Variants in LIMCH1 observed in about 807,000 individuals in gnomAD.
The protein encoded by LIMCH1 is LIM and calponin homology domains 1.
LIMCH1 carries 113 observed loss-of-function variants against 176.5 expected under a neutral mutation model. The ratio of observed to expected loss-of-function variants is 0.64; its 90% CI spans 0.55 to 0.75. The LOEUF is 0.75. Among genes scored for constraint, LIMCH1 ranks in the 30% least tolerant of loss-of-function variants. LIMCH1 has a pLI of 0.00. For synonymous variants in LIMCH1, 619 were observed against 645.9 expected (o/e 0.96, Z 0.63); for missense variants, 1,674 against 1,814.9 (o/e 0.92, Z 1.41).
At chr4:41,449,169 G>T (rs946141507) in intron 1 of LIMCH1, among the ~76,000 whole-genome samples, 1 of 151,934 alleles carries the variant, frequency 6.6e-6, no homozygotes, top group African/African-American at 2.4e-5. Context: ...TCATCCCCTG[G>T]CACCCTTCCA....
intron 2 of LIMCH1, among the ~76,000 whole-genome samples, chr4:41,495,061 A>G (rs2154175882): frequency 1.3e-5 from 2 of 152,294 alleles, no homozygotes; most frequent in East Asian, 3.9e-4. Context: ...GTGTATTTCA[A>G]ATATGTTTAA....
At chr4:41,500,210 C>G (rs1157961162) in intron 2 of LIMCH1, among the ~76,000 whole-genome samples, 1 of 152,222 alleles carries the variant, frequency 6.6e-6, no homozygotes, top group East Asian at 1.9e-4. Context: ...GTGGAAATAA[C>G]TTGATATCCC....
intron 13 of LIMCH1, among the ~76,000 whole-genome samples, chr4:41,636,194 GCCAC>G (rs2093579315): frequency 4.0e-5 from 6 of 150,046 alleles, no homozygotes; most frequent in Admixed American, 4.0e-4. Flanking sequence ...ATAGGCATGA[GCCAC>G]CATGCCTGGC....
At chr4:41,476,497 C>T (rs1233657315) in intron 1 of LIMCH1, among the ~76,000 whole-genome samples, 1 of 152,210 alleles carries the variant, frequency 6.6e-6, no homozygotes, top group African/African-American at 2.4e-5. Context: ...GGCGGGGCAA[C>T]ACCACACTCT....
intron 2 of LIMCH1, among the ~76,000 whole-genome samples, chr4:41,496,091 T>C (rs368178140): frequency 1.7e-3 from 262 of 152,368 alleles, no homozygotes; most frequent in Middle Eastern, 6.8e-3. Context: ...CCCATGATTC[T>C]GGGCTTAGCC....
chr4:41,606,099 T>C (rs2090668973), intron 4 of LIMCH1, 95 bp downstream of exon 4: 3 of 795,126 alleles, frequency 3.8e-6, no homozygotes, highest in Non-Finnish European at 6.3e-6. Context: ...TACTGGGTTG[T>C]GGAATGGTAT....
intron 1 of LIMCH1, among the ~76,000 whole-genome samples, chr4:41,443,067 G>A (rs2062864558): frequency 6.6e-6 from 1 of 151,506 alleles, no homozygotes; most frequent in Admixed American, 6.6e-5. Flanking sequence ...TTAGAGATTT[G>A]TTTAAATGGA....
intron 4 of LIMCH1, among the ~76,000 whole-genome samples, chr4:41,606,744 A>G (rs2090770406): frequency 6.6e-6 from 1 of 152,048 alleles, no homozygotes; most frequent in Non-Finnish European, 1.5e-5. Context: ...GGCCCTCCCA[A>G]CCCGCCTTAG....
intron 1 of LIMCH1, among the ~76,000 whole-genome samples, chr4:41,427,607 G>A (rs1004260379): frequency 1.3e-5 from 2 of 152,128 alleles, no homozygotes; most frequent in Non-Finnish European, 2.9e-5. Flanking sequence ...GACAGCTGTG[G>A]CCTGTTCCAA....
chr4:41,360,003 G>C (rs140039917), upstream of LIMCH1, among the ~76,000 whole-genome samples: 594 of 150,624 alleles, frequency 3.9e-3, 3 homozygotes, highest in African/African-American at 0.014. The surrounding 1 kb of genome is among the most constrained non-coding windows in gnomAD (Gnocchi z 4.5). Context: ...TCCAGGTAGG[G>C]TGTGTGTGGG....
chr4:41,557,544 C>CTGTGTGTGTGTGTG (rs1027942562), intron 1 of LIMCH1, among the ~76,000 whole-genome samples: 105 of 99,856 alleles, frequency 1.1e-3, no homozygotes, highest in African/African-American at 9.7e-3. Flanking sequence ...TCTTTATTGC[C>CTGTGTGTGTGTGTG]TCTGTGTGTG....
At chr4:41,366,726 A>C (rs902301282) in intron 1 of LIMCH1, among the ~76,000 whole-genome samples, 1 of 152,234 alleles carries the variant, frequency 6.6e-6, no homozygotes, top group Admixed American at 6.5e-5. Flanking sequence ...GTTATATTTC[A>C]AGGAGGAATG....
At chr4:41,610,956 C>G (rs772346920) in intron 4 of LIMCH1, among the ~76,000 whole-genome samples, 25 of 152,122 alleles carry the variant, frequency 1.6e-4, no homozygotes, top group Non-Finnish European at 3.5e-4. Context: ...AACTTTTGAG[C>G]AAAGACGTAA....
chr4:41,402,911 GCACATGTATA>G (rs1355412207), intron 1 of LIMCH1, among the ~76,000 whole-genome samples: 1 of 150,992 alleles, frequency 6.6e-6, no homozygotes, highest in Non-Finnish European at 1.5e-5. Flanking sequence ...CACCAGCATG[GCACATGTATA>G]CATATGTAAC....
At chr4:41,375,676 C>T (rs1192317001) in intron 1 of LIMCH1, among the ~76,000 whole-genome samples, 1 of 152,218 alleles carries the variant, frequency 6.6e-6, no homozygotes, top group Non-Finnish European at 1.5e-5. Flanking sequence ...CAGCTCTGTG[C>T]CTGAGCAGTC....
At position 41,626,967 on chromosome 4, in the gene LIMCH1, C is replaced by T. The variant is rs1479218871; in HGVS notation, c.985C>T (p.Leu329Phe). ...AGAGAAATCAGATGGCAGCAAACAG[C>T]TCTCAAAGGGAATCTCAAAAAAAAG... is the stretch of plus-strand genomic sequence containing the variant. ...GAEKSDGSKQ[L>F]SKGISKKRSL... is the part of the protein sequence containing the mutation. The change falls in exon 8 of 32, where the codon CTC (leucine) becomes TTC (phenylalanine). Residue 329 changes from leucine (L) to phenylalanine (F), a missense_variant. Physicochemically the swap from Leu to Phe is conservative, Grantham distance 22. Around this residue, in one of 3 missense-constraint regions of LIMCH1, gnomAD observed 655 missense variants for 692.2 expected, o/e 0.95. Coordinates refer to ENST00000503057, the MANE Select transcript of LIMCH1 (RefSeq NM_001330672.2). 2.0e-6 allele frequency: 3 copies of T among 1,535,704 alleles called. No homozygotes were observed. Among genetic ancestry groups the T allele is most frequent in the East Asian group, 4.9e-5 (2 of 40,896 alleles).
At chr4:41,464,959 A>G (rs1379430060) in intron 1 of LIMCH1, among the ~76,000 whole-genome samples, 3 of 151,762 alleles carry the variant, frequency 2.0e-5, no homozygotes, top group African/African-American at 4.8e-5. Flanking sequence ...TTAACCCTCT[A>G]CTACTGAATT....
At chr4:41,591,248 T>C (rs954915341) in intron 1 of LIMCH1, among the ~76,000 whole-genome samples, 1 of 152,082 alleles carries the variant, frequency 6.6e-6, no homozygotes, top group Non-Finnish European at 1.5e-5. Context: ...TCTTTCTTGC[T>C]TGCTTGCTTG....
chr4:41,616,216 A>G (rs2092051465), intron 5 of LIMCH1, among the ~76,000 whole-genome samples: 1 of 152,146 alleles, frequency 6.6e-6, no homozygotes, highest in Non-Finnish European at 1.5e-5. Flanking sequence ...TGCTAGAGGA[A>G]GATTAAAAAG....
Sources: gnomAD v4.1 joint callset for allele counts (sites outside exome capture counted in the v4.1 genomes callset) on GRCh38, gnomAD v4.1.1 for gene constraint, gnomAD v4.1.1 regional missense constraint, Gnocchi (gnomAD v3.1) non-coding constraint, MANE v1.5 for transcripts, NCBI Gene and HGNC (gene_info 2026-07-23, HGNC 2026-07-21) for gene names.